The following MEMO1 variants were observed in gnomAD, a reference collection of about 807,000 sequenced individuals.
MEMO1 encodes protein MEMO1.
In MEMO1, 6 loss-of-function variants were observed where a neutral mutation model predicts 45.2. That is an observed-to-expected ratio of 0.13 (90% confidence interval 0.07 to 0.26). MEMO1 has a LOEUF of 0.26. MEMO1 is among the 10% of genes least tolerant of loss of function. MEMO1 has a pLI of 1.00. For missense variants in MEMO1, 184 were observed against 370.5 expected, an observed-to-expected ratio of 0.50 and a Z score of 4.13; for synonymous variants, 78 against 124.3, an observed-to-expected ratio of 0.63 and a Z score of 2.48.
At position 31,893,413 on chromosome 2, in the gene MEMO1, G is replaced by A. The variant is rs1417900905; in HGVS notation, c.438-1279C>T. Reference sequence around the variant, plus strand: ...TTACCAGTTTGCTAAATAACTCCCTGACTGAATAGGGGCTCTTCAATTAGT... The same window carrying A: ...TTACCAGTTTGCTAAATAACTCCCTAACTGAATAGGGGCTCTTCAATTAGT... On this transcript the variant is annotated intron_variant, in intron 6 of 9. Transcript: ENST00000404530. 3 of 1,027,822 alleles carry A rather than the reference G, an allele frequency of 2.9e-6. No individual in the cohort carries two copies. The African/African-American group carries it at 5.2e-5, about 18-fold the overall frequency. The allele number at this position is 1,027,822 out of a possible 1,614,324, so 63.7% of individuals were successfully genotyped here.
chr2:31,981,632 A>T (rs1670647990), intron 2 of MEMO1, among the ~76,000 whole-genome samples: 1 of 152,256 alleles, frequency 6.6e-6, no homozygotes, highest in African/African-American at 2.4e-5. Context: ...CATTTTAGTT[A>T]ATACAAGGGA....
At chr2:31,909,911 C>T (rs1185411439) in intron 6 of MEMO1, among the ~76,000 whole-genome samples, 1 of 151,720 alleles carries the variant, frequency 6.6e-6, no homozygotes, top group East Asian at 1.9e-4. Flanking sequence ...GGATAAATAC[C>T]AAGAAATTGA....
chr2:31,906,500 T>C (rs775649534), intron 6 of MEMO1, among the ~76,000 whole-genome samples: 1 of 151,850 alleles, frequency 6.6e-6, no homozygotes, highest in Admixed American at 6.6e-5. Flanking sequence ...ATTTTTTGTA[T>C]CTTTAGTACA....
chr2:31,995,769 C>G (rs1672518172), intron 2 of MEMO1, among the ~76,000 whole-genome samples: 1 of 151,450 alleles, frequency 6.6e-6, no homozygotes, highest in South Asian at 2.1e-4. Flanking sequence ...AAACTATAAC[C>G]CAGGCATCTA....
At chr2:31,868,614 G>C (rs1673210536) in intron 9 of MEMO1, 122 bp from the exon 10 acceptor site, 2 of 920,940 alleles carry the variant, frequency 2.2e-6, no homozygotes, top group South Asian at 8.1e-5. Context: ...TTGCTCTTTT[G>C]TTTCTTGAAT....
At chr2:31,918,682 C>A (rs928930432) in intron 5 of MEMO1, among the ~76,000 whole-genome samples, 2 of 152,076 alleles carry the variant, frequency 1.3e-5, no homozygotes, top group African/African-American at 4.8e-5. Flanking sequence ...TAATTCAGGC[C>A]TTTCTGATGA....
At chr2:31,920,710 A>G in intron 5 of MEMO1, 88 bp downstream of exon 5, 1 of 654,234 alleles carries the variant, frequency 1.5e-6, no homozygotes, top group Non-Finnish European at 2.3e-6. Context: ...GATATTACTT[A>G]TGATATTCAT....
intron 2 of MEMO1, among the ~76,000 whole-genome samples, chr2:31,979,341 T>C (rs1474814680): frequency 6.6e-6 from 1 of 152,202 alleles, no homozygotes; most frequent in Non-Finnish European, 1.5e-5. Context: ...TATTAAAATA[T>C]TAACAATAAT....
chr2:31,933,157 T>C lies in MEMO1; in HGVS notation c.144-1022A>G, dbSNP rs778750157. 4.4e-4 allele frequency among the ~76,000 whole-genome samples: 66 copies of C among 150,384 alleles called. 1 individual carries two copies. Among genetic ancestry groups the C allele is most frequent in the Non-Finnish European group, 5.9e-4 (40 of 67,628 alleles). On this transcript the variant is annotated intron_variant, in intron 3 of 9. Coordinates refer to ENST00000404530, the MANE Select transcript of MEMO1 (RefSeq NM_001301833.4). ...CTTATTCTGTATGGTTCCATTTAAA[T>C]AAAATTCTAGAAAATAGCGAGGCAT... is the stretch of plus-strand genomic sequence containing the variant.
At chr2:31,954,788 C>A (rs752194024) in intron 2 of MEMO1, among the ~76,000 whole-genome samples, 1 of 150,970 alleles carries the variant, frequency 6.6e-6, no homozygotes, top group Non-Finnish European at 1.5e-5. Context: ...AAGCCAAGAT[C>A]GTGCCATTGC....
chr2:31,979,558 A>G (rs1670400508), intron 2 of MEMO1, among the ~76,000 whole-genome samples: 1 of 152,208 alleles, frequency 6.6e-6, no homozygotes, highest in South Asian at 2.1e-4. Context: ...ATGGATAAAC[A>G]GCAGTGGTGA....
At chr2:31,972,939 T>A (rs1202928013) in intron 2 of MEMO1, among the ~76,000 whole-genome samples, 1 of 152,100 alleles carries the variant, frequency 6.6e-6, no homozygotes, top group African/African-American at 2.4e-5. Context: ...GAAATGTAAA[T>A]CAAACCACAA....
Position 31,965,828 on chromosome 2 carries a change from G to C in MEMO1, c.62-22445C>G, listed in dbSNP as rs149737239. 4.2e-3 allele frequency among the ~76,000 whole-genome samples: 635 copies of C among 152,192 alleles called. 9 individuals carry two copies. The highest frequency in any genetic ancestry group is 0.015 in the African/African-American group (624 of 41,510). ...ACACTGTGGCCTGTCAGGGGGTTGT[G>C]GGAGGGACAGCATTAGGAAAAATAG... On this transcript the variant is annotated intron_variant, in intron 2 of 9. Coordinates refer to ENST00000404530, the MANE Select transcript of MEMO1 (RefSeq NM_001301833.4).
intron 2 of MEMO1, among the ~76,000 whole-genome samples, chr2:32,009,842 A>T (rs1674601396): frequency 6.6e-6 from 1 of 151,984 alleles, no homozygotes; most frequent in East Asian, 1.9e-4. Context: ...TGCAAGCCAG[A>T]GGCGGCGACA....
chr2:31,905,481 G>T (rs1165995766), intron 6 of MEMO1, among the ~76,000 whole-genome samples: 1 of 152,114 alleles, frequency 6.6e-6, no homozygotes, highest in African/African-American at 2.4e-5. Context: ...TTCTAAGAAA[G>T]GGCATACTTC....
intron 2 of MEMO1, among the ~76,000 whole-genome samples, chr2:31,955,364 T>C (rs148934938): frequency 2.0e-5 from 3 of 152,174 alleles, no homozygotes; most frequent in Non-Finnish European, 2.9e-5. Context: ...TAGCAATAAA[T>C]AAACACATTA....
intron 2 of MEMO1, among the ~76,000 whole-genome samples, chr2:31,968,944 G>A (rs921077307): frequency 2.0e-5 from 3 of 151,818 alleles, no homozygotes; most frequent in Admixed American, 1.3e-4. Context: ...TAATTTTAAA[G>A]TAAAAGTTAA....
intron 2 of MEMO1, among the ~76,000 whole-genome samples, chr2:31,943,859 C>T (rs1405063266): frequency 2.6e-5 from 4 of 152,258 alleles, no homozygotes; most frequent in South Asian, 4.1e-4. Flanking sequence ...AATGAAATAT[C>T]GATAACCAGT....
intron 2 of MEMO1, among the ~76,000 whole-genome samples, chr2:32,002,175 A>G (rs1309625933): frequency 7.5e-6 from 1 of 133,500 alleles, no homozygotes; most frequent in African/African-American, 2.8e-5. Flanking sequence ...AAAAATATAT[A>G]TATATATATA....
Sources: gnomAD v4.1 joint callset for allele counts (sites outside exome capture counted in the v4.1 genomes callset) on GRCh38, gnomAD v4.1.1 for gene constraint, MANE v1.5 for transcripts, NCBI Gene and HGNC (gene_info 2026-07-23, HGNC 2026-07-21) for gene names.